KCNH4: variants seen among roughly 807,000 people sequenced by gnomAD.
KCNH4 encodes the protein potassium voltage-gated channel subfamily H member 4, also known as voltage-gated delayed rectifier potassium channel KCNH4.
Under a neutral mutation model 90.7 loss-of-function variants are expected in KCNH4, and 33 were observed. The observed-to-expected ratio is 0.36, with a 90% CI of 0.28 to 0.49. The LOEUF (loss-of-function observed/expected upper bound fraction) is 0.49, where lower values mean the gene tolerates loss of function less well. Ranked by LOEUF, KCNH4 falls within the 20% of genes least tolerant of loss-of-function variation. The pLI is 0.98. For missense variants in KCNH4, 1,044 were observed against 1,387.1 expected, an observed-to-expected ratio of 0.75 and a Z score of 3.93; for synonymous variants, 551 against 581.7, an observed-to-expected ratio of 0.95 and a Z score of 0.76.
At chr17:42,164,222 G>C (rs375428691) in intron 11 of KCNH4, 54 bp from the exon 12 acceptor site, 12 of 1,471,132 alleles carry the variant, frequency 8.2e-6, no homozygotes, top group Non-Finnish European at 1.1e-5. Context: ...CGGCCATAGC[G>C]CAGACCCTCC....
At chr17:42,169,404 C>T in intron 9 of KCNH4, 73 bp downstream of exon 9, 1 of 1,365,168 alleles carries the variant, frequency 7.3e-7, no homozygotes, top group Non-Finnish European at 1.0e-6. Context: ...GCTACAGGGG[C>T]AGCGACTCCT....
intron 6 of KCNH4, 54 bp downstream of exon 6, chr17:42,175,524 GA>G: frequency 6.2e-7 from 1 of 1,601,600 alleles, no homozygotes; most frequent in Non-Finnish European, 8.6e-7. Flanking sequence ...CTTCCTGGAA[GA>G]TGCTGTGCTG....
Position 42,180,885 on chromosome 17 carries a change from G to C in KCNH4, c.61C>G (p.Arg21Gly). Reference protein sequence around the residue: ...QNTFLDTIATRFDGTHSNFLL... With the variant: ...QNTFLDTIATGFDGTHSNFLL... ...TCCCACTCACGCGTTCCGTCAAAACGGGTGGCGATGGTGTCCAGGAAGGTG... is the reference window on the plus strand; with the variant it reads ...TCCCACTCACGCGTTCCGTCAAAACCGGTGGCGATGGTGTCCAGGAAGGTG... Residue 21 changes from arginine to glycine, a missense_variant, in exon 1 of 17, where the codon CGT (arginine) becomes GGT (glycine). Coordinates refer to ENST00000264661, the MANE Select transcript of KCNH4 (RefSeq NM_012285.3). The surrounding 1 kb of genome is among the most constrained non-coding windows in gnomAD (Gnocchi z 4.7). The C allele has an allele frequency of 6.2e-7, 1 of 1,613,890 alleles. No homozygotes were observed. The highest frequency in any genetic ancestry group is 1.1e-5 in the South Asian group (1 of 91,068).
In KCNH4 at chr17:42,163,338, G is replaced by A. The variant is rs1157774235; in HGVS notation, c.2478-4C>T. Reference sequence around the variant, plus strand: ...GTCCTCAATGCCATCCACTATCCTGGGAACAGGGCAGTGCTCATCAGCACC... The same window carrying A: ...GTCCTCAATGCCATCCACTATCCTGAGAACAGGGCAGTGCTCATCAGCACC... On this transcript the variant is annotated splice_polypyrimidine_tract_variant and splice_region_variant and intron_variant, in intron 13 of 16. Coordinates refer to ENST00000264661, the MANE Select transcript of KCNH4 (RefSeq NM_012285.3). The surrounding 1 kb of genome is among the most constrained non-coding windows in gnomAD (Gnocchi z 5.4). The A allele has an allele frequency of 1.2e-6, 2 of 1,605,140 alleles. No individual in the cohort carries two copies. The highest frequency in any genetic ancestry group is 2.2e-5 in the South Asian group (2 of 90,902).
In KCNH4 at chr17:42,170,159, A is replaced by G. The variant is rs770394551; in HGVS notation, c.1338T>C (p.Cys446=). 115 of 1,613,606 alleles carry G rather than the reference A, an allele frequency of 7.1e-5. 1 individual carries two copies. In the East Asian group the frequency reaches 1.9e-3, roughly 27 times the overall value. The change falls in exon 8 of 17, where the codon TGT becomes TGC. Residue 446 remains cysteine (C), a synonymous_variant. Coordinates refer to ENST00000264661, the MANE Select transcript of KCNH4 (RefSeq NM_012285.3). ...SLTSVGFGNV[C]ANTDAEKIFS... ...AGATCTTCTCCGCGTCGGTGTTGGCACACACGTTGCCAAAGCCCACACTGG... is the reference window on the plus strand; with the variant it reads ...AGATCTTCTCCGCGTCGGTGTTGGCGCACACGTTGCCAAAGCCCACACTGG...
At chr17:42,162,137 G>T in intron 15 of KCNH4, 111 bp downstream of exon 15, 1 of 841,894 alleles carries the variant, frequency 1.2e-6, no homozygotes, top group South Asian at 1.6e-5. Flanking sequence ...GCAGAGATAG[G>T]GTTTCATCAT....
At chr17:42,168,811 G>A (rs1297719985) in intron 9 of KCNH4, among the ~76,000 whole-genome samples, 7 of 149,660 alleles carry the variant, frequency 4.7e-5, no homozygotes, top group Non-Finnish European at 7.4e-5. Context: ...TCGCTCTGCC[G>A]CCCAGGCTGG....
chr17:42,176,318 G>A, intron 4 of KCNH4, 21 bp from the exon 5 acceptor site: 1 of 1,558,350 alleles, frequency 6.4e-7, no homozygotes, highest in Non-Finnish European at 8.7e-7. Flanking sequence ...AGGGGTGGCG[G>A]TTGGGGACAC....
chr17:42,175,550 G>A (rs1252611823), intron 6 of KCNH4, 29 bp downstream of exon 6: 1 of 1,613,688 alleles, frequency 6.2e-7, no homozygotes, highest in East Asian at 2.2e-5. Flanking sequence ...TGGGAGGTTG[G>A]ACTGGATGGC....
chr17:42,171,324 G>C (rs1350469681), intron 7 of KCNH4, among the ~76,000 whole-genome samples: 1 of 152,036 alleles, frequency 6.6e-6, no homozygotes, highest in African/African-American at 2.4e-5. Context: ...GCTAGGTGTG[G>C]GGTAAAGGAA....
intron 7 of KCNH4, among the ~76,000 whole-genome samples, 154 bp downstream of exon 7, chr17:42,171,634 A>G (rs1409415311): frequency 1.3e-5 from 2 of 151,942 alleles, no homozygotes; most frequent in Non-Finnish European, 2.9e-5. Context: ...CTGCAAATCA[A>G]TATTCCCATG....
intron 16 of KCNH4, among the ~76,000 whole-genome samples, chr17:42,157,609 T>C (rs1211286856): frequency 6.6e-6 from 1 of 152,118 alleles, no homozygotes; most frequent in Non-Finnish European, 1.5e-5. Flanking sequence ...CTGAGGTTTT[T>C]TTTGTTTTGT....
At position 42,166,386 on chromosome 17, in the gene KCNH4, A is replaced by G. The variant is rs2079787951; in HGVS notation, c.1751T>C (p.Leu584Ser). 1 of 1,613,842 alleles carries G rather than the reference A, an allele frequency of 6.2e-7. No individual in the cohort carries two copies. The highest frequency in any genetic ancestry group is 1.3e-5 in the African/African-American group (1 of 74,890). ...TSFCAPGEYL[L>S]RRGDALQAHY... ...TGCCTGCAGGGCATCCCCACGGCGC[A>G]ACAGGTACTCGCCCGGAGCGCAGAA... is the stretch of plus-strand genomic sequence containing the variant. The change falls in exon 10 of 17, where the codon TTG (leucine) becomes TCG (serine). Residue 584 changes from leucine to serine, a missense_variant. Leu to Ser is a moderately radical substitution (Grantham distance 145). Transcript: ENST00000264661.
In KCNH4 at chr17:42,181,122, C is replaced by T; in HGVS notation, c.-177G>A. ...GCTCCGAACCCCGTAGCTCTCGGCT[C>T]GGCTCAGCGCCGTTTCGGTCCCCCC... is the stretch of plus-strand genomic sequence containing the variant. On this transcript the variant is annotated 5_prime_UTR_variant, in exon 1 of 17. Transcript: ENST00000264661. The T allele has an allele frequency of 1.8e-6, 1 of 570,670 alleles. No individual in the cohort carries two copies. Among genetic ancestry groups the T allele is most frequent in the South Asian group, 2.2e-5 (1 of 46,232 alleles). The allele number at this position is 570,670 out of a possible 1,614,324, so 35.4% of individuals were successfully genotyped here.
Position 42,178,367 on chromosome 17 carries a change from G to C in KCNH4, c.421C>G (p.Leu141Val). 1 of 1,614,254 alleles carries C rather than the reference G, an allele frequency of 6.2e-7. No individual in the cohort carries two copies. The highest frequency in any genetic ancestry group is 8.5e-7 in the Non-Finnish European group (1 of 1,180,050). The change falls in exon 3 of 17, where the codon CTT becomes GTT. Residue 141 changes from leucine to valine, a missense_variant. Physicochemically the swap from Leu to Val is conservative, Grantham distance 32. This residue lies in a region of KCNH4 where 283 missense variants were observed against 378.6 expected (regional missense o/e 0.75). Transcript: ENST00000264661. The stretch of plus-strand genomic sequence containing the variant: ...TCCCCGCGGCCTCCTTGGGGGCCAA[G>C]TCCTGGGCTTCCACTCTGAGTGATA... ...KDITQSGSPG[L>V]GPQGGRGDSN...
Position 42,170,241 on chromosome 17 carries a change from C to T in KCNH4, c.1256G>A (p.Gly419Asp). 1.2e-6 allele frequency: 2 copies of T among 1,608,624 alleles called. No homozygotes were observed. The highest frequency in any genetic ancestry group is 1.1e-5 in the South Asian group (1 of 91,026). ...EVPYVNGSVG[G>D]PSRRSAYIAA... is the part of the protein sequence containing the mutation. ...GATGTAGGCGCTGCGCCGTGATGGG[C>T]CGCCCACCGAGCCATTGACATAGGG... The change falls in exon 8 of 17, where the codon GGC becomes GAC. Residue 419 changes from glycine (G) to aspartate (D), a missense_variant. Around this residue, in one of 4 missense-constraint regions of KCNH4, gnomAD observed 318 missense variants for 479.6 expected, o/e 0.66. Coordinates refer to ENST00000264661, the MANE Select transcript of KCNH4 (RefSeq NM_012285.3).
chr17:42,159,851 G>T lies in KCNH4; in HGVS notation c.*189C>A. The T allele has an allele frequency of 2.2e-6, 1 of 444,668 alleles. No individual in the cohort carries two copies. The highest frequency in any genetic ancestry group is 3.9e-6 in the Non-Finnish European group (1 of 257,644). The allele number at this position is 444,668 out of a possible 1,614,324, so 27.5% of individuals were successfully genotyped here. ...GGTGGCTCCCCTCACAGAGGGGGAGGTTGGGGAAGGCTTGGAAAAGGGAAT... is the reference window on the plus strand; with the variant it reads ...GGTGGCTCCCCTCACAGAGGGGGAGTTTGGGGAAGGCTTGGAAAAGGGAAT... On this transcript the variant is annotated 3_prime_UTR_variant, in exon 16 of 17. Transcript: ENST00000264661.
In KCNH4 at chr17:42,163,606, CG is replaced by C; in HGVS notation, c.2476del (p.Arg826GlyfsTer2). 2.1e-6 allele frequency: 3 copies of C among 1,410,958 alleles called. No individual in the cohort carries two copies. Among genetic ancestry groups the C allele is most frequent in the Non-Finnish European group, 2.9e-6 (3 of 1,040,680 alleles). 87.4% of individuals were successfully genotyped at this position (1,410,958 alleles called of 1,614,324 possible). Reference sequence around the variant, plus strand: ...AAAGCAGGGGAGGCTGGCGTCTCACCGGGGACTGAGGTCCGGAGGTCCAAAG... The same window carrying C: ...AAAGCAGGGGAGGCTGGCGTCTCACCGGGACTGAGGTCCGGAGGTCCAAAG... ...GTFGPPDLSP[R>X]IVDGIEDSGS... On this transcript the variant is annotated frameshift_variant and splice_region_variant, in exon 13 of 17. Coordinates refer to ENST00000264661, the MANE Select transcript of KCNH4 (RefSeq NM_012285.3). LOFTEE classifies it high-confidence loss of function. This position sits in a 1 kb window ranked among gnomAD's most constrained non-coding sequence, Gnocchi z 5.4.
rs762069036 is a variant in KCNH4, at chr17:42,175,605, G to A, written c.961C>T (p.Leu321=). The change falls in exon 6 of 17, where the codon CTG becomes TTG. Residue 321 remains leucine (L), a synonymous_variant. Transcript: ENST00000264661. The stretch of plus-strand genomic sequence containing the variant: ...ACGGTGATGTTGAAGATGTAAAGCA[G>A]GTCAAAGGGCAGAGCAGCAATAAGG... The part of the protein sequence containing the change: ...IDLIAALPFD[L]LYIFNITVTS... 1.1e-5 allele frequency: 18 copies of A among 1,614,200 alleles called. No individual in the cohort carries two copies. In the East Asian group the frequency reaches 2.9e-4, roughly 26 times the overall value.
Sources: gnomAD v4.1 joint callset for allele counts (sites outside exome capture counted in the v4.1 genomes callset) on GRCh38, gnomAD v4.1.1 for gene constraint, gnomAD v4.1.1 regional missense constraint, Gnocchi (gnomAD v3.1) non-coding constraint, MANE v1.5 for transcripts, NCBI Gene and HGNC (gene_info 2026-07-23, HGNC 2026-07-21) for gene names.